Variants in RGS6 observed in about 807,000 individuals in gnomAD.
RGS6 encodes the protein regulator of G protein signaling 6.
In RGS6, 30 loss-of-function variants were observed where a neutral mutation model predicts 78.5. The ratio of observed to expected loss-of-function variants is 0.38; its 90% CI spans 0.29 to 0.52. RGS6 has a LOEUF of 0.52. RGS6 is among the 20% of genes least tolerant of loss of function. RGS6 has a pLI of 0.85. For synonymous variants in RGS6, 206 were observed against 206.0 expected (o/e 1.00, Z 0.00); for missense variants, 495 against 609.7 (o/e 0.81, Z 1.98).
Position 72,004,040 on chromosome 14 carries a change from G to A in RGS6, c.84+39165G>A, listed in dbSNP as rs145372945. On this transcript the variant is annotated intron_variant, in intron 2 of 17. Transcript: ENST00000553525. Reference sequence around the variant, plus strand: ...ACCTTTGCATCCTCAAAAATACTACGCCTGATTTAATTGGTATGGGGTAAG... The same window carrying A: ...ACCTTTGCATCCTCAAAAATACTACACCTGATTTAATTGGTATGGGGTAAG... 2.5e-3 allele frequency among the ~76,000 whole-genome samples: 377 copies of A among 152,192 alleles called. 3 individuals carry two copies. Among genetic ancestry groups the A allele is most frequent in the African/African-American group, 8.7e-3 (362 of 41,526 alleles).
the RGS6 span, among the ~76,000 whole-genome samples, chr14:72,599,065 T>C: frequency 6.6e-6 from 1 of 152,188 alleles, no homozygotes; most frequent in Non-Finnish European, 1.5e-5. Context: ...GCCACGGGAT[T>C]CTCTATTACC....
intron 2 of RGS6, among the ~76,000 whole-genome samples, chr14:72,283,495 C>CAAAT (rs1171748728): frequency 1.3e-5 from 2 of 152,132 alleles, no homozygotes; most frequent in Non-Finnish European, 2.9e-5. Context: ...GAATAAATAT[C>CAAAT]ATGAGATCTG....
chr14:72,261,674 T>C (rs193007535), intron 2 of RGS6, among the ~76,000 whole-genome samples: 131 of 152,284 alleles, frequency 8.6e-4, no homozygotes, highest in African/African-American at 3.0e-3. Flanking sequence ...GAGATTCCAA[T>C]ATGAATCTCT....
chr14:72,451,819 C>T (rs1476494380), intron 3 of RGS6, among the ~76,000 whole-genome samples: 1 of 152,068 alleles, frequency 6.6e-6, no homozygotes, highest in Non-Finnish European at 1.5e-5. Context: ...GTGGCGCGAT[C>T]TCGGCTCACT....
downstream of RGS6, among the ~76,000 whole-genome samples, chr14:72,567,470 C>A (rs80171108): frequency 6.4e-3 from 975 of 152,340 alleles, 13 homozygotes; most frequent in African/African-American, 0.022. Context: ...CTGACCGCCA[C>A]GAGCAGGGCT....
chr14:72,151,873 T>C (rs557909351), intron 2 of RGS6, among the ~76,000 whole-genome samples: 7 of 152,316 alleles, frequency 4.6e-5, no homozygotes, highest in African/African-American at 1.7e-4. Context: ...CTGTGCACAG[T>C]GTTTCTATTT....
intron 3 of RGS6, among the ~76,000 whole-genome samples, chr14:72,446,979 G>A (rs2095381107): frequency 6.6e-6 from 1 of 152,130 alleles, no homozygotes; most frequent in South Asian, 2.1e-4. Context: ...GTGAGGCCTG[G>A]TTCCTAACAG....
At chr14:72,164,101 G>T (rs1168875091) in intron 2 of RGS6, among the ~76,000 whole-genome samples, 1 of 152,058 alleles carries the variant, frequency 6.6e-6, no homozygotes, top group Non-Finnish European at 1.5e-5. Flanking sequence ...AGCCAGCAAG[G>T]GGATTGTTTA....
At chr14:72,310,277 C>T (rs968369855) in intron 2 of RGS6, among the ~76,000 whole-genome samples, 6 of 152,236 alleles carry the variant, frequency 3.9e-5, no homozygotes, top group African/African-American at 1.2e-4. Context: ...GCAGCAGCGG[C>T]GTCAGCCGCT....
intron 3 of RGS6, among the ~76,000 whole-genome samples, chr14:72,428,279 A>T (rs1460692761): frequency 6.6e-6 from 1 of 152,182 alleles, no homozygotes; most frequent in Non-Finnish European, 1.5e-5. Flanking sequence ...AACATTTCTA[A>T]CGGCAAAGTT....
At chr14:72,335,565 G>A (rs2075875571) in intron 2 of RGS6, among the ~76,000 whole-genome samples, 1 of 152,146 alleles carries the variant, frequency 6.6e-6, no homozygotes, top group Non-Finnish European at 1.5e-5. Context: ...GCCAGGGGCT[G>A]CAGTCTTTGC....
At chr14:72,294,571 A>T (rs1207435171) in intron 2 of RGS6, among the ~76,000 whole-genome samples, 1 of 152,220 alleles carries the variant, frequency 6.6e-6, no homozygotes, top group Non-Finnish European at 1.5e-5. Flanking sequence ...ACGAGGTTTA[A>T]TTGGGCTCAT....
intron 3 of RGS6, among the ~76,000 whole-genome samples, chr14:72,407,789 A>G (rs761682024): frequency 6.6e-6 from 1 of 152,224 alleles, no homozygotes; most frequent in Non-Finnish European, 1.5e-5. Flanking sequence ...GGATCATCTC[A>G]TGGCCTCTCA....
At chr14:72,321,382 G>T (rs1396100528) in intron 2 of RGS6, among the ~76,000 whole-genome samples, 1 of 151,260 alleles carries the variant, frequency 6.6e-6, no homozygotes, top group African/African-American at 2.4e-5. Flanking sequence ...AATAAAAGTG[G>T]GCTAAACTCC....
At chr14:72,204,178 T>G (rs1233621990) in intron 2 of RGS6, among the ~76,000 whole-genome samples, 1 of 152,172 alleles carries the variant, frequency 6.6e-6, no homozygotes, top group African/African-American at 2.4e-5. Context: ...ATTCACTGTG[T>G]TTTACAACCA....
At chr14:72,340,086 C>T (rs951893735) in intron 2 of RGS6, among the ~76,000 whole-genome samples, 2 of 152,164 alleles carry the variant, frequency 1.3e-5, no homozygotes, top group Non-Finnish European at 2.9e-5. Flanking sequence ...GCAGTGAGTG[C>T]TCAAATATAA....
the RGS6 span, among the ~76,000 whole-genome samples, chr14:71,919,113 G>T: frequency 5.3e-5 from 8 of 152,164 alleles, no homozygotes; most frequent in Non-Finnish European, 1.2e-4. Context: ...AGGGGCTCCG[G>T]AAACTCCAAA....
chr14:72,156,289 A>G (rs1046223436), intron 2 of RGS6, among the ~76,000 whole-genome samples: 1 of 152,002 alleles, frequency 6.6e-6, no homozygotes, highest in African/African-American at 2.4e-5. Flanking sequence ...TACTAAAGAT[A>G]CAAAAAATTA....
At chr14:72,395,957 A>G (rs1366835110) in intron 3 of RGS6, among the ~76,000 whole-genome samples, 1 of 152,036 alleles carries the variant, frequency 6.6e-6, no homozygotes, top group African/African-American at 2.4e-5. Context: ...CTTGGTTCCA[A>G]GTCTTTGCTA....
Sources: gnomAD v4.1 joint callset for allele counts (sites outside exome capture counted in the v4.1 genomes callset) on GRCh38, gnomAD v4.1.1 for gene constraint, MANE v1.5 for transcripts, NCBI Gene and HGNC (gene_info 2026-07-23, HGNC 2026-07-21) for gene names.